The following WDR17 variants were observed in gnomAD, a reference collection of about 807,000 sequenced individuals.
WDR17 encodes the protein WD repeat-containing protein 17.
In WDR17, 143 loss-of-function variants were observed where a neutral mutation model predicts 161.7. The observed-to-expected ratio is 0.88, with a 90% CI of 0.77 to 1.02. The LOEUF (loss-of-function observed/expected upper bound fraction) is 1.02, where lower values mean the gene tolerates loss of function less well. Ranked by LOEUF, WDR17 falls within the 50% of genes least tolerant of loss-of-function variation. The pLI, the probability that WDR17 is intolerant of heterozygous loss-of-function variation, is 0.00. For missense variants in WDR17, 1,469 were observed against 1,520.9 expected, an observed-to-expected ratio of 0.97 and a Z score of 0.57; for synonymous variants, 517 against 515.6, an observed-to-expected ratio of 1.00 and a Z score of -0.04.
chr4:176,100,047 G>A, intron 1 of WDR17, among the ~76,000 whole-genome samples: 1 of 152,132 alleles, frequency 6.6e-6, no homozygotes, highest in Non-Finnish European at 1.5e-5. Flanking sequence ...ATAAACATAT[G>A]AGTGCAGGTA....
chr4:176,171,644 C>T (rs755412580), intron 23 of WDR17, among the ~76,000 whole-genome samples: 66 of 152,104 alleles, frequency 4.3e-4, no homozygotes, highest in African/African-American at 7.2e-4. Flanking sequence ...CAAACTTGAA[C>T]GTTTAAGCTT....
At chr4:176,170,364 G>A (rs1750545735) in intron 23 of WDR17, among the ~76,000 whole-genome samples, 1 of 143,562 alleles carries the variant, frequency 7.0e-6, no homozygotes, top group East Asian at 2.0e-4. Flanking sequence ...TGCCCAGGCT[G>A]GAGTGCAATG....
At chr4:176,096,001 T>C (rs979921976) in intron 1 of WDR17, among the ~76,000 whole-genome samples, 1 of 152,122 alleles carries the variant, frequency 6.6e-6, no homozygotes, top group Non-Finnish European at 1.5e-5. Context: ...GGTTAGCAAT[T>C]AACTTAAATG....
chr4:176,067,107 G>C (rs904896594), intron 1 of WDR17, among the ~76,000 whole-genome samples: 1 of 152,182 alleles, frequency 6.6e-6, no homozygotes. Flanking sequence ...AAACTCTGTG[G>C]AGAAAGCACT....
rs564678477 is a variant in WDR17, at chr4:176,076,408, G to GTTTTTT, written c.-7+10340_-7+10345dup. ...CCCAGTAAATGAGTTGTCGTTGTTG[G>GTTTTTT]TTTTTTTTTTTTTTTTGGCTGCATC... is the stretch of plus-strand genomic sequence containing the variant. On this transcript the variant is annotated intron_variant, in intron 1 of 28. Transcript: ENST00000508596. Among the ~76,000 whole-genome samples the GTTTTTT allele has an allele frequency of 5.5e-5, 6 of 109,366 alleles. 1 individual carries two copies. Among genetic ancestry groups the GTTTTTT allele is most frequent in the Non-Finnish European group, 1.1e-4 (6 of 55,398 alleles). 71.7% of individuals were successfully genotyped at this position (109,366 alleles called of 152,430 possible).
rs570738016 is a variant in WDR17, at chr4:176,089,370, T to C, written c.-6-22205T>C. Among the ~76,000 whole-genome samples, 3 of 152,314 alleles carry C rather than the reference T, an allele frequency of 2.0e-5. No individual in the cohort carries two copies. In the East Asian group the frequency reaches 5.8e-4, roughly 29 times the overall value. ...TATGTATCCTTTTATGTTTGACTTTTGATTATCATAGTTCATTCTAATTAT... is the reference window on the plus strand; with the variant it reads ...TATGTATCCTTTTATGTTTGACTTTCGATTATCATAGTTCATTCTAATTAT... On this transcript the variant is annotated intron_variant, in intron 1 of 28. Transcript: ENST00000508596.
intron 1 of WDR17, among the ~76,000 whole-genome samples, chr4:176,074,381 A>C (rs1469513237): frequency 3.5e-5 from 1 of 28,784 alleles, no homozygotes; most frequent in Non-Finnish European, 1.1e-4. Flanking sequence ...ATATATATAA[A>C]ACTCAAGATA....
At chr4:176,069,050 T>C (rs1732885307) in intron 1 of WDR17, among the ~76,000 whole-genome samples, 1 of 152,208 alleles carries the variant, frequency 6.6e-6, no homozygotes, top group Admixed American at 6.5e-5. Context: ...GTTTCCATGC[T>C]TAAAGCATGG....
intron 26 of WDR17, 124 bp downstream of exon 26, chr4:176,174,842 C>A: frequency 1.9e-6 from 1 of 517,326 alleles, no homozygotes; most frequent in East Asian, 3.3e-5. Flanking sequence ...ATTTACTCAG[C>A]GTGTGCTTTA....
intron 1 of WDR17, among the ~76,000 whole-genome samples, chr4:176,075,547 A>G (rs950087139): frequency 6.6e-6 from 1 of 152,122 alleles, no homozygotes; most frequent in Non-Finnish European, 1.5e-5. Flanking sequence ...ATTAACTTCC[A>G]TATTTGAGCT....
intron 1 of WDR17, among the ~76,000 whole-genome samples, chr4:176,083,802 T>C (rs1735063782): frequency 1.3e-5 from 2 of 152,142 alleles, no homozygotes; most frequent in African/African-American, 4.8e-5. Flanking sequence ...CTGAGCAGTA[T>C]ATGAGTTTCA....
chr4:176,152,294 C>CAAAAAAAAAAAAAAAAAAAAAAAAAAAA (rs397837505), intron 17 of WDR17, among the ~76,000 whole-genome samples: 6 of 72,162 alleles, frequency 8.3e-5, no homozygotes, highest in Non-Finnish European at 8.3e-5. Context: ...GACCCTATCT[C>CAAAAAAAAAAAAAAAAAAAAAAAAAAAA]AAAAAAAAAA....
At chr4:176,118,295 T>C (rs1740963701) in intron 3 of WDR17, among the ~76,000 whole-genome samples, 1 of 152,196 alleles carries the variant, frequency 6.6e-6, no homozygotes, top group African/African-American at 2.4e-5. Context: ...TCTCTAAATA[T>C]ACAGTCGGAG....
chr4:176,101,274 A>G (rs111774749), intron 1 of WDR17, among the ~76,000 whole-genome samples: 1 of 152,204 alleles, frequency 6.6e-6, no homozygotes, highest in African/African-American at 2.4e-5. Context: ...AGCACTGGTC[A>G]TGGGCACGTG....
At chr4:176,169,987 T>A (rs1173139021) in intron 23 of WDR17, among the ~76,000 whole-genome samples, 4 of 152,312 alleles carry the variant, frequency 2.6e-5, no homozygotes, top group Admixed American at 6.5e-5. Context: ...AGGAGTTTTT[T>A]AATTATACAT....
At chr4:176,156,568 T>C (rs1164760306) in intron 18 of WDR17, among the ~76,000 whole-genome samples, 9 of 151,982 alleles carry the variant, frequency 5.9e-5, no homozygotes. Flanking sequence ...GAGGCACTGA[T>C]GATAAAGAAG....
At chr4:176,097,968 A>G (rs1465607438) in intron 1 of WDR17, among the ~76,000 whole-genome samples, 1 of 151,968 alleles carries the variant, frequency 6.6e-6, no homozygotes, top group Non-Finnish European at 1.5e-5. Context: ...AAACATACTA[A>G]AAGTGTAGCT....
At chr4:176,166,778 A>G (rs1335221813) in intron 22 of WDR17, among the ~76,000 whole-genome samples, 2 of 152,206 alleles carry the variant, frequency 1.3e-5, no homozygotes, top group African/African-American at 2.4e-5. Context: ...GCATTTTAGC[A>G]TGAACAGCTA....
rs1457759818 is a variant in WDR17, at chr4:176,167,657, A to AC, written c.2991-1015_2991-1014insC. Among the ~76,000 whole-genome samples, 26 of 117,470 alleles carry AC rather than the reference A, an allele frequency of 2.2e-4. 2 individuals are homozygous for AC. The highest frequency in any genetic ancestry group is 6.6e-4 in the African/African-American group (23 of 34,722). The allele number at this position is 117,470 out of a possible 152,430, so 77.1% of individuals were successfully genotyped here. Reference sequence around the variant, plus strand: ...GAGACTCCGTCTCAAAAAAAAAAAAAAAAAAAAAAAAAAAACAATATCTTG... The same window carrying AC: ...GAGACTCCGTCTCAAAAAAAAAAAAACAAAAAAAAAAAAAAACAATATCTTG... On this transcript the variant is annotated intron_variant, in intron 22 of 28. Transcript: ENST00000508596.
Sources: gnomAD v4.1 joint callset for allele counts (sites outside exome capture counted in the v4.1 genomes callset) on GRCh38, gnomAD v4.1.1 for gene constraint, MANE v1.5 for transcripts, NCBI Gene and HGNC (gene_info 2026-07-23, HGNC 2026-07-21) for gene names.